The following IMMP1L variants were observed in gnomAD, a reference collection of about 807,000 sequenced individuals.
IMMP1L encodes the protein mitochondrial inner membrane protease subunit 1.
In IMMP1L, 24 loss-of-function variants were observed where a neutral mutation model predicts 21.8. The ratio of observed to expected loss-of-function variants is 1.10; its 90% CI spans 0.80 to 1.55. The LOEUF is 1.55. Among genes scored for constraint, IMMP1L ranks in the 40% most tolerant of loss-of-function variants. The probability of loss-of-function intolerance (pLI) is 0.00; values close to 1 mark genes in which losing one functional copy is unlikely to be tolerated. For synonymous variants in IMMP1L, 46 were observed against 62.8 expected (o/e 0.73, Z 1.26); for missense variants, 195 against 200.7 (o/e 0.97, Z 0.17).
intron 1 of IMMP1L, among the ~76,000 whole-genome samples, chr11:31,478,809 G>C (rs1308336160): frequency 6.6e-6 from 1 of 151,870 alleles, no homozygotes; most frequent in African/African-American, 2.4e-5. Context: ...AAATTTCCTT[G>C]ATCATTTTAT....
At chr11:31,481,480 C>CA (rs1429415445) in intron 1 of IMMP1L, among the ~76,000 whole-genome samples, 6 of 150,944 alleles carry the variant, frequency 4.0e-5, no homozygotes, top group South Asian at 2.1e-4. Context: ...TAACGGGAGA[C>CA]AAAAAAACAC....
At chr11:31,455,370 T>A (rs1436132996) in intron 4 of IMMP1L, among the ~76,000 whole-genome samples, 2 of 152,060 alleles carry the variant, frequency 1.3e-5, no homozygotes, top group Non-Finnish European at 2.9e-5. Context: ...GTAAGAAGAG[T>A]ATATGCTGAG....
chr11:31,499,720 T>C (rs1955557962), intron 1 of IMMP1L, among the ~76,000 whole-genome samples: 1 of 152,072 alleles, frequency 6.6e-6, no homozygotes, highest in Non-Finnish European at 1.5e-5. Context: ...AACACAGCCA[T>C]ACTCATTTGT....
At chr11:31,500,612 A>AACACACACACAC (rs1554952113) in intron 1 of IMMP1L, among the ~76,000 whole-genome samples, 1 of 145,100 alleles carries the variant, frequency 6.9e-6, no homozygotes, top group Non-Finnish European at 1.5e-5. Context: ...CACACACACA[A>AACACACACACAC]ACACACACAC....
At position 31,496,114 on chromosome 11, in the gene IMMP1L, C is replaced by G. The variant is rs574649234; in HGVS notation, c.-30+13405G>C. Among the ~76,000 whole-genome samples, 116 of 120,106 alleles carry G rather than the reference C, an allele frequency of 9.7e-4. 1 individual carries two copies. The highest frequency in any genetic ancestry group is 2.3e-3 in the Admixed American group (29 of 12,558). 78.8% of individuals were successfully genotyped at this position (120,106 alleles called of 152,430 possible). On this transcript the variant is annotated intron_variant, in intron 1 of 5. Transcript: ENST00000532287. The stretch of plus-strand genomic sequence containing the variant: ...AAAGAACTCCTATAACTCAAAAACC[C>G]GCAAAAAAAAAAAAAACAAAGCCAT...
intron 4 of IMMP1L, among the ~76,000 whole-genome samples, chr11:31,450,201 G>A (rs992174855): frequency 3.9e-5 from 6 of 152,136 alleles, no homozygotes; most frequent in Non-Finnish European, 7.4e-5. Context: ...AGTTCAATAT[G>A]TCCAAAAGGC....
intron 4 of IMMP1L, among the ~76,000 whole-genome samples, chr11:31,440,405 CTT>C (rs1312533688): frequency 6.6e-6 from 1 of 151,876 alleles, no homozygotes; most frequent in African/African-American, 2.4e-5. Context: ...ACTTTTTTTT[CTT>C]TGAGACAAAA....
At chr11:31,450,530 C>T (rs1953711978) in intron 4 of IMMP1L, among the ~76,000 whole-genome samples, 1 of 152,122 alleles carries the variant, frequency 6.6e-6, no homozygotes, top group Non-Finnish European at 1.5e-5. Context: ...GGAAAAGAAA[C>T]ATTTAATCAG....
intron 1 of IMMP1L, among the ~76,000 whole-genome samples, chr11:31,482,407 A>T (rs758940858): frequency 3.3e-5 from 5 of 152,106 alleles, no homozygotes; most frequent in Admixed American, 1.3e-4. Flanking sequence ...CTATTAAGAG[A>T]GTAAAAAGAC....
intron 4 of IMMP1L, among the ~76,000 whole-genome samples, chr11:31,455,665 C>T (rs1371877668): frequency 6.6e-6 from 1 of 152,126 alleles, no homozygotes; most frequent in African/African-American, 2.4e-5. Context: ...TTTGTCTGTT[C>T]CAATCAATGA....
chr11:31,502,514 GC>G (rs1472263220), intron 1 of IMMP1L, among the ~76,000 whole-genome samples: 19 of 152,292 alleles, frequency 1.2e-4, no homozygotes, highest in African/African-American at 4.6e-4. Context: ...AGCTTCAGGA[GC>G]CTGTGGGACC....
chr11:31,455,467 C>A (rs969483235), intron 4 of IMMP1L, among the ~76,000 whole-genome samples: 2 of 152,188 alleles, frequency 1.3e-5, no homozygotes, highest in East Asian at 3.8e-4. Context: ...ATCTACTCTT[C>A]ATTCTTCCAT....
chr11:31,457,956 T>C (rs1490430055), intron 3 of IMMP1L, among the ~76,000 whole-genome samples: 4 of 152,160 alleles, frequency 2.6e-5, no homozygotes, highest in East Asian at 1.9e-4. Flanking sequence ...ACTAGAACCA[T>C]GTCAGTGGAT....
intron 1 of IMMP1L, chr11:31,477,696 A>T: frequency 5.6e-6 from 1 of 177,628 alleles, no homozygotes; most frequent in Non-Finnish European, 1.1e-5. Context: ...TCTTGCAGAC[A>T]TCAAAATTAT....
At chr11:31,486,026 T>C (rs1196981048) in intron 1 of IMMP1L, among the ~76,000 whole-genome samples, 1 of 151,694 alleles carries the variant, frequency 6.6e-6, no homozygotes, top group African/African-American at 2.4e-5. Flanking sequence ...GCAATAACTA[T>C]GGGGGCTTTA....
intron 1 of IMMP1L, among the ~76,000 whole-genome samples, chr11:31,508,738 C>T (rs574987459): frequency 6.6e-6 from 1 of 152,128 alleles, no homozygotes; most frequent in Admixed American, 6.5e-5. Flanking sequence ...TTTGGGAGTC[C>T]TTTTCAATTT....
intron 1 of IMMP1L, among the ~76,000 whole-genome samples, chr11:31,470,176 G>A (rs911790162): frequency 2.6e-5 from 4 of 152,164 alleles, no homozygotes; most frequent in Admixed American, 2.0e-4. Flanking sequence ...CACTTTGGGA[G>A]GCCAAGGTGG....
At chr11:31,439,361 T>C (rs1046217596) in intron 4 of IMMP1L, among the ~76,000 whole-genome samples, 7 of 152,132 alleles carry the variant, frequency 4.6e-5, no homozygotes, top group Non-Finnish European at 8.8e-5. Context: ...TCTTTTGTAG[T>C]TTCTGATCTA....
rs981399907 is a variant in IMMP1L, at chr11:31,487,156, G to T, written c.-30+22363C>A. Among the ~76,000 whole-genome samples, 3 of 151,790 alleles carry T rather than the reference G, an allele frequency of 2.0e-5. No individual in the cohort carries two copies. In the East Asian group the frequency reaches 5.8e-4, roughly 29 times the overall value. The stretch of plus-strand genomic sequence containing the variant: ...TTATAAAAAGGAAGGATTCCTTTCT[G>T]CTATCAACAATTTCCTTGATCTACA... On this transcript the variant is annotated intron_variant, in intron 1 of 5. Coordinates refer to ENST00000532287, the MANE Select transcript of IMMP1L (RefSeq NM_001304274.2).
Sources: allele counts gnomAD v4.1 joint callset (sites outside exome capture counted in the v4.1 genomes callset), GRCh38; gene constraint gnomAD v4.1.1; transcripts MANE v1.5; gene names NCBI Gene and HGNC (gene_info 2026-07-23, HGNC 2026-07-21).